Variants in TBCB observed in about 807,000 individuals in gnomAD.
TBCB encodes tubulin-folding cofactor B.
In TBCB, 18 loss-of-function variants were observed where a neutral mutation model predicts 29.2. The observed-to-expected ratio is 0.62, with a 90% CI of 0.43 to 0.91. TBCB has a LOEUF of 0.91. TBCB is among the 40% of genes least tolerant of loss of function. TBCB has a pLI of 0.00. For missense variants in TBCB, 336 were observed against 337.6 expected, an observed-to-expected ratio of 1.00 and a Z score of 0.04; for synonymous variants, 172 against 137.8, an observed-to-expected ratio of 1.25 and a Z score of -1.74.
chr19:36,115,546 G>A lies in TBCB; in HGVS notation c.-15G>A. The A allele has an allele frequency of 1.9e-6, 3 of 1,588,470 alleles. No individual in the cohort carries two copies. Among genetic ancestry groups the A allele is most frequent in the Admixed American group, 1.7e-5 (1 of 57,656 alleles). Reference sequence around the variant, plus strand: ...CGGCTGGACCGCGCTGCAGGCATCCGCAGGGCGCGGCAAGATGGAGGTGAC... The same window carrying A: ...CGGCTGGACCGCGCTGCAGGCATCCACAGGGCGCGGCAAGATGGAGGTGAC... On this transcript the variant is annotated 5_prime_UTR_variant, in exon 1 of 6. Transcript: ENST00000221855.
Position 36,124,523 on chromosome 19 carries a change from C to T in TBCB, c.548-928C>T, listed in dbSNP as rs565650867. 7.2e-5 allele frequency among the ~76,000 whole-genome samples: 11 copies of T among 152,142 alleles called. No individual in the cohort carries two copies. In the East Asian group the frequency reaches 1.2e-3, roughly 16 times the overall value. ...TACAAACATGAGCCACTGCGCCCAT[C>T]GGTATGTCGGGGTTTGGTTTTGTTT... is the stretch of plus-strand genomic sequence containing the variant. On this transcript the variant is annotated intron_variant, in intron 4 of 5. Transcript: ENST00000221855.
At chr19:36,122,146 T>G in intron 4 of TBCB, 2 of 258,190 alleles carry the variant, frequency 7.7e-6, no homozygotes, top group East Asian at 1.4e-4. Context: ...GGAGGAAGAG[T>G]TCCCGCCAGA....
At chr19:36,115,193 G>A (rs1973923834), upstream of TBCB, 2 of 545,796 alleles carry the variant, frequency 3.7e-6, no homozygotes, top group African/African-American at 1.9e-5. Context: ...GCTTGGCTTG[G>A]TTGAAGGCCA....
Position 36,121,518 on chromosome 19 carries a change from T to A in TBCB, c.356-9T>A. 1 of 1,551,816 alleles carries A rather than the reference T, an allele frequency of 6.4e-7. No individual in the cohort carries two copies. On this transcript the variant is annotated splice_polypyrimidine_tract_variant and intron_variant, in intron 3 of 5. Coordinates refer to ENST00000221855, the MANE Select transcript of TBCB (RefSeq NM_001281.3). ...CACCCCAACTGACCCCAGCCCCCTC[T>A]GCCCACAGACACGGTCCGCTCTTTC...
chr19:36,120,505 C>T, intron 2 of TBCB: 1 of 559,148 alleles, frequency 1.8e-6, no homozygotes, highest in Non-Finnish European at 3.2e-6. Flanking sequence ...CCTCTGGGAG[C>T]TTGGATGGGG....
intron 4 of TBCB, among the ~76,000 whole-genome samples, chr19:36,123,460 C>T (rs1454646416): frequency 1.3e-5 from 2 of 152,096 alleles, no homozygotes; most frequent in Non-Finnish European, 2.9e-5. Flanking sequence ...GATGGGATTT[C>T]GCCATGTGGC....
chr19:36,124,834 C>T (rs903924500), intron 4 of TBCB, among the ~76,000 whole-genome samples: 4 of 152,168 alleles, frequency 2.6e-5, no homozygotes, highest in African/African-American at 9.7e-5. Flanking sequence ...TGAGCCACCG[C>T]ACCCGGCCAG....
At chr19:36,123,990 A>G (rs968324600) in intron 4 of TBCB, among the ~76,000 whole-genome samples, 1 of 152,142 alleles carries the variant, frequency 6.6e-6, no homozygotes, top group Non-Finnish European at 1.5e-5. Context: ...GACCTGCCAC[A>G]CTGCTTCCCA....
At chr19:36,117,812 C>T (rs928924178) in intron 2 of TBCB, 2 of 151,944 alleles carry the variant, frequency 1.3e-5, no homozygotes, top group Admixed American at 6.6e-5. Flanking sequence ...GTCTCCCAGG[C>T]TGGCGTGCAG....
At chr19:36,119,899 A>G (rs1974015132) in intron 2 of TBCB, among the ~76,000 whole-genome samples, 1 of 151,546 alleles carries the variant, frequency 6.6e-6, no homozygotes, top group Admixed American at 6.6e-5. Context: ...CCGTCAAAAA[A>G]AAAAAAAAAA....
intron 4 of TBCB, among the ~76,000 whole-genome samples, chr19:36,124,784 C>T (rs1241026695): frequency 6.6e-6 from 1 of 152,100 alleles, no homozygotes; most frequent in Non-Finnish European, 1.5e-5. Context: ...ACCTCGTGAT[C>T]CACCCTCCTC....
At position 36,121,610 on chromosome 19, in the gene TBCB, C is replaced by G; in HGVS notation, c.439C>G (p.Gln147Glu). The change falls in exon 4 of 6, where the codon CAG (glutamine) becomes GAG (glutamate). Residue 147 changes from glutamine to glutamate, a missense_variant. Transcript: ENST00000221855. Reference sequence around the variant, plus strand: ...GGCTCAGCAGGAGGCCGAGGCCGCCCAGCGCCTGGCCGAGGAGAAGGCCCA... The same window carrying G: ...GGCTCAGCAGGAGGCCGAGGCCGCCGAGCGCCTGGCCGAGGAGAAGGCCCA... Reference protein sequence around the residue: ...ERAQQEAEAAQRLAEEKAQAS... With the variant: ...ERAQQEAEAAERLAEEKAQAS... 6.4e-7 allele frequency: 1 copy of G among 1,554,570 alleles called. No individual in the cohort carries two copies. Among genetic ancestry groups the G allele is most frequent in the Non-Finnish European group, 8.7e-7 (1 of 1,150,688 alleles).
intron 3 of TBCB, among the ~76,000 whole-genome samples, 189 bp downstream of exon 3, chr19:36,120,995 C>T (rs546973797): frequency 1.6e-5 from 2 of 121,238 alleles, no homozygotes; most frequent in Admixed American, 9.0e-5. Flanking sequence ...GAATGAGGGC[C>T]GGGAGGTGTC....
At chr19:36,119,097 G>T (rs1031112650) in intron 2 of TBCB, among the ~76,000 whole-genome samples, 1 of 152,118 alleles carries the variant, frequency 6.6e-6, no homozygotes, top group Non-Finnish European at 1.5e-5. Context: ...CATAACAGGC[G>T]GTTCAGGTAC....
intron 2 of TBCB, among the ~76,000 whole-genome samples, chr19:36,118,982 G>C (rs927557663): frequency 6.6e-6 from 1 of 152,168 alleles, no homozygotes; most frequent in Non-Finnish European, 1.5e-5. Flanking sequence ...TCAGGCCTCT[G>C]CTGGGTGCAC....
At chr19:36,116,539 T>C (rs1326101074) in intron 2 of TBCB, 1 of 199,456 alleles carries the variant, frequency 5.0e-6, no homozygotes, top group East Asian at 1.3e-4. Context: ...AGGCCTAGAA[T>C]GTGAGGTAGG....
chr19:36,115,549 G>T lies in TBCB; in HGVS notation c.-12G>T. 1 of 1,594,054 alleles carries T rather than the reference G, an allele frequency of 6.3e-7. No individual in the cohort carries two copies. Among genetic ancestry groups the T allele is most frequent in the East Asian group, 2.3e-5 (1 of 43,442 alleles). On this transcript the variant is annotated 5_prime_UTR_variant, in exon 1 of 6. In the 5' UTR this introduces an upstream ATG that the reference lacks. Coordinates refer to ENST00000221855, the MANE Select transcript of TBCB (RefSeq NM_001281.3). ...CTGGACCGCGCTGCAGGCATCCGCA[G>T]GGCGCGGCAAGATGGAGGTGACGGG... is the stretch of plus-strand genomic sequence containing the variant.
chr19:36,121,029 G>T (rs936682935), intron 3 of TBCB, among the ~76,000 whole-genome samples: 1 of 150,514 alleles, frequency 6.6e-6, no homozygotes, highest in Admixed American at 6.6e-5. Flanking sequence ...GTCAGACGTG[G>T]TCGGGGGAGG....
intron 4 of TBCB, among the ~76,000 whole-genome samples, chr19:36,124,921 G>A (rs1283060572): frequency 6.6e-6 from 1 of 152,072 alleles, no homozygotes; most frequent in Non-Finnish European, 1.5e-5. Flanking sequence ...ACTTCCTGTT[G>A]CCCACTTTGT....
Sources: gnomAD v4.1 joint callset for allele counts (sites outside exome capture counted in the v4.1 genomes callset) on GRCh38, gnomAD v4.1.1 for gene constraint, MANE v1.5 for transcripts, NCBI Gene and HGNC (gene_info 2026-07-23, HGNC 2026-07-21) for gene names.